IL1RAPL1: variants seen among roughly 807,000 people sequenced by gnomAD.
The protein encoded by IL1RAPL1 is interleukin-1 receptor accessory protein-like 1.
Under a neutral mutation model 48.4 loss-of-function variants are expected in IL1RAPL1, and 3 were observed. The observed-to-expected ratio is 0.06, with a 90% CI of 0.03 to 0.16. The LOEUF (loss-of-function observed/expected upper bound fraction) is 0.16, where lower values mean the gene tolerates loss of function less well. IL1RAPL1 is among the 10% of genes least tolerant of loss of function. The pLI is 1.00. For synonymous variants in IL1RAPL1, 185 were observed against 187.7 expected (o/e 0.99, Z 0.12); for missense variants, 349 against 530.6 (o/e 0.66, Z 3.36).
At chrX:29,715,881 T>C (rs1293047168) in intron 6 of IL1RAPL1, among the ~76,000 whole-genome samples, 1 of 112,015 alleles carries the variant, frequency 8.9e-6, no homozygotes, top group Admixed American at 9.5e-5. Flanking sequence ...TAAGATCCAG[T>C]TTCTTTACCA....
chrX:28,693,872 G>A (rs1423936943), intron 1 of IL1RAPL1, among the ~76,000 whole-genome samples: 1 of 111,621 alleles, frequency 9.0e-6, no homozygotes, highest in Non-Finnish European at 1.9e-5. Context: ...GGCACTAAAT[G>A]CATCTTTTCA....
chrX:29,169,088 T>C (rs1291139345), intron 2 of IL1RAPL1, among the ~76,000 whole-genome samples: 2 of 108,659 alleles, frequency 1.8e-5, no homozygotes, highest in Non-Finnish European at 3.8e-5. Flanking sequence ...GTTGATTCTA[T>C]ATCTTGGCTA....
At chrX:29,909,726 T>G (rs1450186430) in intron 6 of IL1RAPL1, among the ~76,000 whole-genome samples, 1 of 111,207 alleles carries the variant, frequency 9.0e-6, no homozygotes, top group African/African-American at 3.3e-5. Flanking sequence ...CCAAAACAGT[T>G]TAAAGTTTCA....
In IL1RAPL1 at chrX:29,679,322, C is replaced by T. The variant is rs193242315; in HGVS notation, c.778+10818C>T. Among the ~76,000 whole-genome samples the T allele has an allele frequency of 5.4e-4, 60 of 111,512 alleles. 1 individual carries two copies. The Middle Eastern group carries it at 0.019, about 35-fold the overall frequency. ...AAAAAAATGTAATGTTTCCGATGAA[C>T]CTGTATTTCTGATGATGATCATGTC... On this transcript the variant is annotated intron_variant, in intron 6 of 10. Transcript: ENST00000378993.
intron 5 of IL1RAPL1, among the ~76,000 whole-genome samples, chrX:29,472,982 C>T (rs775103146): frequency 5.4e-5 from 6 of 111,589 alleles, no homozygotes; most frequent in Non-Finnish European, 7.5e-5. Context: ...GTATTAGCTT[C>T]GTAGGGCTGC....
At chrX:29,368,468 A>T (rs1369401070) in intron 3 of IL1RAPL1, among the ~76,000 whole-genome samples, 1 of 111,695 alleles carries the variant, frequency 9.0e-6, no homozygotes, top group African/African-American at 3.3e-5. Flanking sequence ...TGCAGCCTCC[A>T]CCTCGCGGGC....
intron 3 of IL1RAPL1, among the ~76,000 whole-genome samples, chrX:29,320,381 A>G (rs1932795831): frequency 8.9e-6 from 1 of 112,468 alleles, no homozygotes; most frequent in Non-Finnish European, 1.9e-5. Context: ...TTTCTAAGAA[A>G]CAAGAATATA....
At chrX:29,172,227 C>G (rs1370756979) in intron 2 of IL1RAPL1, among the ~76,000 whole-genome samples, 4 of 111,612 alleles carry the variant, frequency 3.6e-5, no homozygotes, top group African/African-American at 1.3e-4. Flanking sequence ...TGAATTTGTT[C>G]GTGAAAGCAA....
At chrX:29,517,440 TG>T (rs1363985827) in intron 5 of IL1RAPL1, among the ~76,000 whole-genome samples, 1 of 111,236 alleles carries the variant, frequency 9.0e-6, no homozygotes, top group Non-Finnish European at 1.9e-5. Context: ...AATACATTGC[TG>T]TAGTTAGCTC....
chrX:29,517,843 C>G (rs1239330491), intron 5 of IL1RAPL1, among the ~76,000 whole-genome samples: 1 of 111,657 alleles, frequency 9.0e-6, no homozygotes, highest in African/African-American at 3.3e-5. Context: ...AATGGTTCCT[C>G]TCTATTTTTT....
chrX:28,641,172 G>A (rs1934535383), intron 1 of IL1RAPL1, among the ~76,000 whole-genome samples: 1 of 109,349 alleles, frequency 9.1e-6, no homozygotes, highest in Admixed American at 9.8e-5. Context: ...CCGTCAACCT[G>A]TCATCTACAT....
At chrX:29,814,151 T>C (rs1028953269) in intron 6 of IL1RAPL1, among the ~76,000 whole-genome samples, 1 of 112,250 alleles carries the variant, frequency 8.9e-6, no homozygotes, top group African/African-American at 3.2e-5. Context: ...TCTTAAGTTA[T>C]TTGACAAATC....
At chrX:29,631,619 T>C (rs1924777854) in intron 5 of IL1RAPL1, among the ~76,000 whole-genome samples, 1 of 111,432 alleles carries the variant, frequency 9.0e-6, no homozygotes, top group Non-Finnish European at 1.9e-5. Context: ...AGACATGCTA[T>C]ATGTCATAGA....
intron 5 of IL1RAPL1, among the ~76,000 whole-genome samples, chrX:29,416,062 T>G (rs964378280): frequency 5.4e-5 from 6 of 111,689 alleles, no homozygotes; most frequent in African/African-American, 2.0e-4. Context: ...CAAGCTAATT[T>G]CTTATTATAC....
At chrX:28,906,707 A>G (rs1197951993) in intron 2 of IL1RAPL1, among the ~76,000 whole-genome samples, 1 of 109,429 alleles carries the variant, frequency 9.1e-6, no homozygotes, top group African/African-American at 3.5e-5. Flanking sequence ...AAACTGATAA[A>G]TAAATTAAGA....
intron 2 of IL1RAPL1, among the ~76,000 whole-genome samples, chrX:29,063,555 G>T (rs764527011): frequency 9.0e-6 from 1 of 111,435 alleles, no homozygotes; most frequent in South Asian, 3.8e-4. Context: ...AGGAGGAAAA[G>T]GAAAAAATAA....
At chrX:29,596,019 TG>T (rs1923537931) in intron 5 of IL1RAPL1, among the ~76,000 whole-genome samples, 1 of 111,922 alleles carries the variant, frequency 8.9e-6, no homozygotes, top group African/African-American at 3.2e-5. Flanking sequence ...TAAAAGTTTT[TG>T]TTTGTTTTGT....
At chrX:29,822,261 T>C (rs1930638917) in intron 6 of IL1RAPL1, among the ~76,000 whole-genome samples, 1 of 111,787 alleles carries the variant, frequency 8.9e-6, no homozygotes, top group African/African-American at 3.3e-5. Flanking sequence ...ATGTGGTGAA[T>C]ATTTGCAGAA....
intron 2 of IL1RAPL1, among the ~76,000 whole-genome samples, chrX:29,009,459 A>G (rs768001185): frequency 8.9e-5 from 10 of 112,473 alleles, no homozygotes; most frequent in Non-Finnish European, 1.9e-4. Context: ...CTAAGGGTCC[A>G]GTTTCTTTCT....
Sources: allele counts gnomAD v4.1 joint callset (sites outside exome capture counted in the v4.1 genomes callset), GRCh38; gene constraint gnomAD v4.1.1; transcripts MANE v1.5; gene names NCBI Gene and HGNC (gene_info 2026-07-23, HGNC 2026-07-21).